The following ZC3H12B variants were observed in gnomAD, a reference collection of about 807,000 sequenced individuals.
ZC3H12B encodes the protein probable ribonuclease ZC3H12B.
In ZC3H12B, 7 loss-of-function variants were observed where a neutral mutation model predicts 43.9. The observed-to-expected ratio is 0.16, with a 90% CI of 0.09 to 0.30. The LOEUF (loss-of-function observed/expected upper bound fraction) is 0.30. ZC3H12B is among the 10% of genes least tolerant of loss of function. The pLI is 1.00. For synonymous variants in ZC3H12B, 222 were observed against 241.7 expected, an observed-to-expected ratio of 0.92 and a Z score of 0.76; for missense variants, 475 against 670.2, an observed-to-expected ratio of 0.71 and a Z score of 3.22.
the ZC3H12B span, among the ~76,000 whole-genome samples, chrX:65,217,195 T>C: frequency 2.9e-3 from 320 of 112,218 alleles, 1 homozygote; most frequent in Non-Finnish European, 5.4e-3. Flanking sequence ...CCAGCAAGCG[T>C]GCGTATCCAG....
the ZC3H12B span, among the ~76,000 whole-genome samples, chrX:65,250,106 G>T: frequency 9.1e-6 from 1 of 109,457 alleles, no homozygotes; most frequent in African/African-American, 3.3e-5. Flanking sequence ...CCTACAACAG[G>T]CCCCAGTGTG....
chrX:65,167,639 G>A, the ZC3H12B span, among the ~76,000 whole-genome samples: 7 of 111,811 alleles, frequency 6.3e-5, no homozygotes, highest in Admixed American at 9.5e-5. Context: ...TGGGCAGTAC[G>A]GCTGTTTTCA....
At chrX:65,388,652 A>G (rs1304337791) in intron 2 of ZC3H12B, among the ~76,000 whole-genome samples, 1 of 111,834 alleles carries the variant, frequency 8.9e-6, no homozygotes, top group African/African-American at 3.3e-5. Flanking sequence ...CGTCAAAGTC[A>G]TTCTCCATCC....
the ZC3H12B span, among the ~76,000 whole-genome samples, chrX:65,143,989 G>A: frequency 9.0e-6 from 1 of 111,198 alleles, no homozygotes; most frequent in African/African-American, 3.3e-5. Context: ...TCCTTTTCTG[G>A]TTTTCATATT....
chrX:65,393,268 A>T, intron 2 of ZC3H12B, among the ~76,000 whole-genome samples: 1 of 112,088 alleles, frequency 8.9e-6, no homozygotes, highest in Non-Finnish European at 1.9e-5. Context: ...TTAAAAAAAA[A>T]TTCAACATCC....
intron 2 of ZC3H12B, among the ~76,000 whole-genome samples, chrX:65,383,158 C>T (rs1178219378): frequency 1.8e-5 from 2 of 111,759 alleles, no homozygotes; most frequent in African/African-American, 3.3e-5. Context: ...CATCCTGAGC[C>T]AAAAGAACAG....
chrX:65,244,808 C>G, the ZC3H12B span, among the ~76,000 whole-genome samples: 1 of 105,314 alleles, frequency 9.5e-6, no homozygotes, highest in East Asian at 3.0e-4. Flanking sequence ...CAAGGTATGT[C>G]TGTATTGTAG....
At chrX:65,109,024 G>A in the ZC3H12B span, among the ~76,000 whole-genome samples, 8 of 111,572 alleles carry the variant, frequency 7.2e-5, no homozygotes, top group South Asian at 3.7e-4. Flanking sequence ...TGCCTGAAAC[G>A]TCCAGTTTTA....
chrX:65,162,280 G>A, the ZC3H12B span, among the ~76,000 whole-genome samples: 1 of 111,044 alleles, frequency 9.0e-6, no homozygotes, highest in Non-Finnish European at 1.9e-5. Context: ...TTTTTGTGGT[G>A]TTCTCTGTAT....
the ZC3H12B span, among the ~76,000 whole-genome samples, chrX:65,064,464 G>C: frequency 8.9e-6 from 1 of 112,184 alleles, no homozygotes; most frequent in African/African-American, 3.2e-5. Flanking sequence ...GTGTGGTCTT[G>C]CGTGAGTTTC....
At chrX:65,161,255 A>C in the ZC3H12B span, among the ~76,000 whole-genome samples, 1 of 110,969 alleles carries the variant, frequency 9.0e-6, no homozygotes, top group African/African-American at 3.3e-5. Flanking sequence ...TGGGGTGGAG[A>C]GTTCTGTAGA....
intron 3 of ZC3H12B, among the ~76,000 whole-genome samples, chrX:65,478,124 A>G (rs1360857643): frequency 9.0e-6 from 1 of 111,578 alleles, no homozygotes; most frequent in Non-Finnish European, 1.9e-5. Context: ...CTTTCTTATA[A>G]TCTTTAAGCA....
At chrX:65,344,338 A>C in the ZC3H12B span, among the ~76,000 whole-genome samples, 1 of 112,030 alleles carries the variant, frequency 8.9e-6, no homozygotes, top group Non-Finnish European at 1.9e-5. Context: ...AGGTTACAGT[A>C]ACCAAAACAG....
chrX:65,470,776 C>T (rs185151781), intron 3 of ZC3H12B, among the ~76,000 whole-genome samples: 101 of 111,902 alleles, frequency 9.0e-4, no homozygotes, highest in African/African-American at 2.9e-3. Context: ...ATCTTGATTT[C>T]GTTTTTAACC....
At chrX:65,085,616 T>TA in the ZC3H12B span, among the ~76,000 whole-genome samples, 3 of 109,169 alleles carry the variant, frequency 2.7e-5, no homozygotes, top group Admixed American at 9.9e-5. Context: ...CTACAAAAAA[T>TA]AAAAAATTAG....
chrX:65,106,113 T>A, the ZC3H12B span, among the ~76,000 whole-genome samples: 1 of 111,550 alleles, frequency 9.0e-6, no homozygotes, highest in South Asian at 3.7e-4. Context: ...TAAGCAATGG[T>A]CCTTGACTTT....
chrX:65,255,059 A>T, the ZC3H12B span, among the ~76,000 whole-genome samples: 1 of 111,961 alleles, frequency 8.9e-6, no homozygotes, highest in African/African-American at 3.2e-5. Flanking sequence ...GAAATATGGA[A>T]TTATATAAAT....
the ZC3H12B span, among the ~76,000 whole-genome samples, chrX:65,116,425 A>C: frequency 1.8e-5 from 2 of 111,305 alleles, no homozygotes; most frequent in African/African-American, 6.5e-5. Context: ...TTTTATACCA[A>C]TACCATGTTG....
chrX:65,094,133 G>A, the ZC3H12B span, among the ~76,000 whole-genome samples: 5 of 110,145 alleles, frequency 4.5e-5, 1 homozygote, highest in African/African-American at 1.7e-4. Context: ...CTCCAGCCAT[G>A]AGAGGTGCCC....
Sources: gnomAD v4.1 joint callset for allele counts (sites outside exome capture counted in the v4.1 genomes callset) on GRCh38, gnomAD v4.1.1 for gene constraint, MANE v1.5 for transcripts, NCBI Gene and HGNC (gene_info 2026-07-23, HGNC 2026-07-21) for gene names.